HDAC9: variants seen among roughly 807,000 people sequenced by gnomAD.
HDAC9 encodes the protein MEF-2 interacting transcription repressor (MITR) protein.
A neutral mutation model predicts 139.4 loss-of-function variants in HDAC9; 41 were observed. The observed-to-expected ratio is 0.29, with a 90% confidence interval of 0.23 to 0.38. The LOEUF is 0.38. HDAC9 is among the 10% of genes least tolerant of loss of function. The probability of loss-of-function intolerance (pLI) is 1.00; values close to 1 mark genes in which losing one functional copy is unlikely to be tolerated. For synonymous variants in HDAC9, 517 were observed against 476.2 expected (o/e 1.09, Z -1.12); for missense variants, 1,147 against 1,297.0 (o/e 0.88, Z 1.78).
At chr7:18,954,909 A>G (rs746303101) in intron 24 of HDAC9, among the ~76,000 whole-genome samples, 38 of 152,118 alleles carry the variant, frequency 2.5e-4, no homozygotes, top group Admixed American at 1.4e-3. Context: ...CTTGCCAGCT[A>G]TCTCTTTGGG....
chr7:18,385,887 A>G (rs533531134), intron 1 of HDAC9, among the ~76,000 whole-genome samples: 1 of 151,948 alleles, frequency 6.6e-6, no homozygotes, highest in South Asian at 2.1e-4. Flanking sequence ...AATTTCACTG[A>G]GCTCCTTTCC....
chr7:18,501,828 A>C (rs1032805507), intron 2 of HDAC9, among the ~76,000 whole-genome samples: 3 of 152,174 alleles, frequency 2.0e-5, no homozygotes, highest in African/African-American at 7.2e-5. Flanking sequence ...TACCATGTCA[A>C]AATACTAACA....
intron 17 of HDAC9, among the ~76,000 whole-genome samples, chr7:18,794,478 G>C (rs1288406391): frequency 6.6e-6 from 1 of 152,174 alleles, no homozygotes; most frequent in Non-Finnish European, 1.5e-5. Flanking sequence ...TCTTTAAAGA[G>C]TCAGAGCCTA....
chr7:18,499,527 A>T (rs922315672), intron 2 of HDAC9, among the ~76,000 whole-genome samples: 1 of 152,220 alleles, frequency 6.6e-6, no homozygotes, highest in Non-Finnish European at 1.5e-5. Context: ...GGGCCAGGGT[A>T]AGTGATAACT....
intron 2 of HDAC9, among the ~76,000 whole-genome samples, chr7:18,243,709 A>T (rs1037576139): frequency 2.0e-5 from 3 of 152,260 alleles, no homozygotes; most frequent in Non-Finnish European, 4.4e-5. Flanking sequence ...TGAATGAAAC[A>T]TGGAGCTGTT....
intron 2 of HDAC9, among the ~76,000 whole-genome samples, chr7:18,203,727 T>C (rs2128161275): frequency 6.6e-6 from 1 of 152,346 alleles, no homozygotes; most frequent in Non-Finnish European, 1.5e-5. Context: ...TTAACAACTT[T>C]TAATTTTCTT....
chr7:18,617,349 C>G (rs1468404124), intron 6 of HDAC9, among the ~76,000 whole-genome samples: 3 of 152,152 alleles, frequency 2.0e-5, no homozygotes, highest in Admixed American at 2.0e-4. Context: ...CCTCTCTCAA[C>G]TCTCCCCAGT....
At chr7:18,602,331 T>G (rs1255846286) in intron 6 of HDAC9, among the ~76,000 whole-genome samples, 1 of 152,054 alleles carries the variant, frequency 6.6e-6, no homozygotes, top group Non-Finnish European at 1.5e-5. Context: ...AGTTATTAGT[T>G]TCTTCTCTCT....
At position 18,872,580 on chromosome 7, in the gene HDAC9, C is replaced by T. The variant is rs547185035; in HGVS notation, c.2685-1898C>T. Among the ~76,000 whole-genome samples the T allele has an allele frequency of 4.4e-3, 663 of 152,216 alleles. 8 individuals carry two copies. Among genetic ancestry groups the T allele is most frequent in the Non-Finnish European group, 3.7e-3 (249 of 68,002 alleles). Reference sequence around the variant, plus strand: ...TATTTTCTGCTTTTTCAGTTAGTTTCTCCAAGAAGAGAGAGAAAAATTCAC... The same window carrying T: ...TATTTTCTGCTTTTTCAGTTAGTTTTTCCAAGAAGAGAGAGAAAAATTCAC... On this transcript the variant is annotated intron_variant, in intron 21 of 25. Transcript: ENST00000686413.
chr7:18,159,679 A>G (rs1237957349), intron 1 of HDAC9, among the ~76,000 whole-genome samples: 3 of 152,146 alleles, frequency 2.0e-5, no homozygotes, highest in Admixed American at 6.6e-5. Flanking sequence ...ACCATATTCT[A>G]CTTGTGCAGC....
chr7:18,761,393 C>G (rs1485068774), intron 14 of HDAC9, among the ~76,000 whole-genome samples: 1 of 152,170 alleles, frequency 6.6e-6, no homozygotes, highest in East Asian at 1.9e-4. Flanking sequence ...GATTAAACAG[C>G]AGGTTTTGTT....
intron 6 of HDAC9, among the ~76,000 whole-genome samples, chr7:18,605,411 T>C (rs1289820328): frequency 6.6e-6 from 1 of 152,202 alleles, no homozygotes; most frequent in Non-Finnish European, 1.5e-5. Context: ...CTCCCTTAGG[T>C]CAGATAAGGC....
intron 19 of HDAC9, among the ~76,000 whole-genome samples, chr7:18,833,138 T>A (rs1795983801): frequency 6.6e-6 from 1 of 152,224 alleles, no homozygotes; most frequent in Admixed American, 6.5e-5. Context: ...TGAATATGAA[T>A]ACAGAATCAA....
intron 13 of HDAC9, among the ~76,000 whole-genome samples, chr7:18,746,254 T>C (rs1453948130): frequency 6.6e-6 from 1 of 152,218 alleles, no homozygotes; most frequent in Non-Finnish European, 1.5e-5. Flanking sequence ...TATGAAACTA[T>C]AGTTGAAAAA....
intron 2 of HDAC9, among the ~76,000 whole-genome samples, chr7:18,208,743 T>G (rs1009667387): frequency 3.3e-5 from 5 of 151,998 alleles, no homozygotes; most frequent in Non-Finnish European, 7.4e-5. Flanking sequence ...TAAAAAAAAA[T>G]TTTATCTAGC....
At chr7:18,584,202 G>A (rs937817002) in intron 2 of HDAC9, among the ~76,000 whole-genome samples, 1 of 131,954 alleles carries the variant, frequency 7.6e-6, no homozygotes. Context: ...GTGCAGTAGC[G>A]AGATCTCGGC....
intron 2 of HDAC9, among the ~76,000 whole-genome samples, chr7:18,519,129 A>T (rs1356116877): frequency 1.3e-5 from 2 of 152,236 alleles, no homozygotes; most frequent in South Asian, 2.1e-4. Context: ...GATGCCAGCA[A>T]AAAATATAGT....
At chr7:18,257,276 C>T (rs935931336) in intron 2 of HDAC9, among the ~76,000 whole-genome samples, 6 of 150,848 alleles carry the variant, frequency 4.0e-5, no homozygotes, top group East Asian at 3.9e-4. Flanking sequence ...GGAGGAGGAT[C>T]GCTTGAGCTC....
At chr7:18,610,570 CAAAT>C (rs1375813978) in intron 6 of HDAC9, among the ~76,000 whole-genome samples, 5 of 152,188 alleles carry the variant, frequency 3.3e-5, no homozygotes, top group South Asian at 2.1e-4. Context: ...GTTTACCTCT[CAAAT>C]AACCTGGACT....
Sources: allele counts gnomAD v4.1 joint callset (sites outside exome capture counted in the v4.1 genomes callset), GRCh38; gene constraint gnomAD v4.1.1; transcripts MANE v1.5; gene names NCBI Gene and HGNC (gene_info 2026-07-23, HGNC 2026-07-21).